The following TIAM1 variants were observed in gnomAD, a reference collection of about 807,000 sequenced individuals.
TIAM1 encodes the protein TIAM Rac1 associated GEF 1, also known as rho guanine nucleotide exchange factor TIAM1.
Under a neutral mutation model 163.5 loss-of-function variants are expected in TIAM1, and 65 were observed. That is an observed-to-expected ratio of 0.40 (90% CI 0.33 to 0.49). TIAM1 has a LOEUF of 0.49. Among genes scored for constraint, TIAM1 ranks in the 20% least tolerant of loss-of-function variants. TIAM1 has a pLI of 0.77. For synonymous variants in TIAM1, 833 were observed against 810.1 expected (o/e 1.03, Z -0.48); for missense variants, 1,789 against 2,044.7 (o/e 0.87, Z 2.41).
intron 27 of TIAM1, among the ~76,000 whole-genome samples, chr21:31,122,468 A>G (rs1002623934): frequency 3.9e-5 from 6 of 152,208 alleles, no homozygotes; most frequent in African/African-American, 1.4e-4. Flanking sequence ...TAATGTCTAC[A>G]TCTTTGAAAT....
intron 1 of TIAM1, among the ~76,000 whole-genome samples, chr21:31,535,329 CAG>C (rs1329786826): frequency 6.5e-5 from 8 of 123,480 alleles, no homozygotes; most frequent in African/African-American, 2.5e-4. Flanking sequence ...TGCAGTGAGC[CAG>C]GATTGTGCCA....
At chr21:31,555,887 A>C (rs2048859650) in intron 1 of TIAM1, among the ~76,000 whole-genome samples, 1 of 152,104 alleles carries the variant, frequency 6.6e-6, no homozygotes, top group Admixed American at 6.6e-5. Context: ...CAGTCGGCAC[A>C]CTAGAACTGC....
At chr21:31,512,135 T>C (rs552392498) in intron 1 of TIAM1, among the ~76,000 whole-genome samples, 2 of 152,270 alleles carry the variant, frequency 1.3e-5, no homozygotes, top group East Asian at 3.9e-4. Context: ...CTCACTCTGT[T>C]GCCCAGGCTG....
At chr21:31,542,078 T>A (rs1264271899) in intron 1 of TIAM1, among the ~76,000 whole-genome samples, 1 of 152,160 alleles carries the variant, frequency 6.6e-6, no homozygotes, top group East Asian at 1.9e-4. Flanking sequence ...ACCACAGGCA[T>A]TCAAGCCAGG....
intron 1 of TIAM1, among the ~76,000 whole-genome samples, chr21:31,343,814 C>A (rs2076089118): frequency 6.6e-6 from 1 of 152,200 alleles, no homozygotes; most frequent in African/African-American, 2.4e-5. Flanking sequence ...ATATCCCATA[C>A]AATGATCCTC....
In TIAM1 at chr21:31,228,223, A is replaced by ATT. The variant is rs1569068569; in HGVS notation, c.1585-2274_1585-2273insAA. The stretch of plus-strand genomic sequence containing the variant: ...ACCATGCCCGGCCTCCTTTTTTTAA[A>ATT]AAAAAAAAAAAAAAAAAAAAAAAAA... On this transcript the variant is annotated intron_variant, in intron 6 of 27. Coordinates refer to ENST00000541036, the MANE Select transcript of TIAM1 (RefSeq NM_001353694.2). Among the ~76,000 whole-genome samples the ATT allele has an allele frequency of 4.8e-3, 297 of 61,554 alleles. 5 individuals carry two copies. Among genetic ancestry groups the ATT allele is most frequent in the Non-Finnish European group, 6.3e-3 (234 of 37,410 alleles). 40.4% of individuals were successfully genotyped at this position (61,554 alleles called of 152,430 possible). A position where few individuals can be genotyped will look rare whatever the true frequency, so the allele number is the denominator to read the frequency against.
At chr21:31,216,170 A>G (rs1296003045) in intron 9 of TIAM1, among the ~76,000 whole-genome samples, 1 of 151,932 alleles carries the variant, frequency 6.6e-6, no homozygotes, top group Non-Finnish European at 1.5e-5. Context: ...ACTCCATCAC[A>G]AACAAAACAA....
At chr21:31,321,821 G>A (rs2147031754) in intron 2 of TIAM1, among the ~76,000 whole-genome samples, 1 of 152,120 alleles carries the variant, frequency 6.6e-6, no homozygotes, top group Middle Eastern at 3.4e-3. Flanking sequence ...CACTTTGGGA[G>A]GTGGACAGAT....
chr21:31,289,168 C>T (rs1420809800), intron 2 of TIAM1, among the ~76,000 whole-genome samples: 1 of 152,178 alleles, frequency 6.6e-6, no homozygotes, highest in East Asian at 1.9e-4. Flanking sequence ...AGCTTTGCAA[C>T]ACCATGCAGA....
intron 2 of TIAM1, among the ~76,000 whole-genome samples, chr21:31,300,493 AGAGG>A (rs1381520142): frequency 6.6e-6 from 1 of 152,244 alleles, no homozygotes; most frequent in African/African-American, 2.4e-5. Flanking sequence ...TTTCATGGCC[AGAGG>A]AAGGCACAAC....
chr21:31,315,934 G>A (rs931901814), intron 2 of TIAM1, among the ~76,000 whole-genome samples: 5 of 152,128 alleles, frequency 3.3e-5, no homozygotes, highest in Admixed American at 2.0e-4. Flanking sequence ...CCGAGATCGC[G>A]CCACTGCACT....
intron 1 of TIAM1, among the ~76,000 whole-genome samples, chr21:31,511,022 AAG>A (rs1386834823): frequency 1.3e-5 from 2 of 152,226 alleles, no homozygotes; most frequent in African/African-American, 2.4e-5. Flanking sequence ...GTGGCAACAG[AAG>A]AGAGACAAGT....
intron 2 of TIAM1, among the ~76,000 whole-genome samples, chr21:31,425,577 G>T (rs114460382): frequency 0.027 from 4,075 of 149,748 alleles, 175 homozygotes; most frequent in African/African-American, 0.096. Context: ...TGCTGGTCCA[G>T]GGACTGCTTT....
chr21:31,350,203 C>G (rs2076211951), intron 2 of TIAM1, among the ~76,000 whole-genome samples: 1 of 152,116 alleles, frequency 6.6e-6, no homozygotes, highest in Non-Finnish European at 1.5e-5. Context: ...AGTAGCAGGC[C>G]ACCCTTGTGA....
chr21:31,197,237 A>G lies in TIAM1; in HGVS notation c.2494-1932T>C, dbSNP rs144706368. Among the ~76,000 whole-genome samples the G allele has an allele frequency of 1.4e-3, 213 of 152,328 alleles. 2 individuals carry two copies. Among genetic ancestry groups the G allele is most frequent in the African/African-American group, 5.0e-3 (209 of 41,578 alleles). The stretch of plus-strand genomic sequence containing the variant: ...CTGCACATGTGCCCCTTGAATCTAA[A>G]ATAAGAGTTAAAATTATTTAAAAAA... On this transcript the variant is annotated intron_variant, in intron 12 of 27. Coordinates refer to ENST00000541036, the MANE Select transcript of TIAM1 (RefSeq NM_001353694.2).
chr21:31,294,468 C>T (rs2074155998), intron 2 of TIAM1, among the ~76,000 whole-genome samples: 1 of 152,178 alleles, frequency 6.6e-6, no homozygotes, highest in Admixed American at 6.6e-5. Context: ...AAAGAACATA[C>T]ATAGTGGGTA....
chr21:31,281,361 T>G (rs1316135764), intron 2 of TIAM1, among the ~76,000 whole-genome samples: 1 of 152,192 alleles, frequency 6.6e-6, no homozygotes, highest in Non-Finnish European at 1.5e-5. Flanking sequence ...TACCTTTTCT[T>G]ATAGGAAAGA....
intron 2 of TIAM1, among the ~76,000 whole-genome samples, chr21:31,287,199 A>G (rs2073842866): frequency 6.6e-6 from 1 of 152,214 alleles, no homozygotes; most frequent in African/African-American, 2.4e-5. Flanking sequence ...TACAAATGAC[A>G]GCATCTTATG....
chr21:31,306,562 G>A (rs970746759), intron 2 of TIAM1, among the ~76,000 whole-genome samples: 3 of 152,116 alleles, frequency 2.0e-5, no homozygotes, highest in African/African-American at 4.8e-5. Flanking sequence ...GGCCAACTTC[G>A]GGAGCACTCA....
Sources: allele counts gnomAD v4.1 joint callset (sites outside exome capture counted in the v4.1 genomes callset), GRCh38; gene constraint gnomAD v4.1.1; transcripts MANE v1.5; gene names NCBI Gene and HGNC (gene_info 2026-07-23, HGNC 2026-07-21).